HTR3A: variants seen among roughly 807,000 people sequenced by gnomAD.
HTR3A encodes the protein 5-hydroxytryptamine (serotonin) receptor 3A, ionotropic.
Under a neutral mutation model 54.8 loss-of-function variants are expected in HTR3A, and 45 were observed. The ratio of observed to expected loss-of-function variants is 0.82; its 90% CI spans 0.65 to 1.05. The LOEUF (loss-of-function observed/expected upper bound fraction) is 1.05, where lower values mean the gene tolerates loss of function less well. HTR3A is among the 50% of genes least tolerant of loss of function. The pLI is 0.00. For synonymous variants in HTR3A, 297 were observed against 256.0 expected (o/e 1.16, Z -1.53); for missense variants, 657 against 614.0 (o/e 1.07, Z -0.74).
chr11:113,986,196 G>T (rs1437265706), intron 6 of HTR3A, 21 bp downstream of exon 6: 2 of 1,613,798 alleles, frequency 1.2e-6, no homozygotes, highest in Non-Finnish European at 1.7e-6. Context: ...GTGAATGTGG[G>T]TAAAATGGTG....
chr11:113,981,357 C>T, intron 4 of HTR3A, 45 bp downstream of exon 4: 1 of 1,177,274 alleles, frequency 8.5e-7, no homozygotes. Flanking sequence ...GGCTTAGGAG[C>T]TGGAGAAGCC....
chr11:113,989,348 G>C lies in HTR3A; in HGVS notation c.1139-117G>C. ...ACTGCCCTCCAGCCTGGGTGACAGA[G>C]TGAGAAAAAAAAAGTTATTCCCAAC... On this transcript the variant is annotated intron_variant, in intron 8 of 8. Coordinates refer to ENST00000504030, the MANE Select transcript of HTR3A (RefSeq NM_000869.6). The surrounding 1 kb of genome is among the most constrained non-coding windows in gnomAD (Gnocchi z 4.4). 8.7e-7 allele frequency: 1 copy of C among 1,145,928 alleles called. No individual in the cohort carries two copies. Among genetic ancestry groups the C allele is most frequent in the South Asian group, 1.2e-5 (1 of 80,688 alleles). The allele number at this position is 1,145,928 out of a possible 1,614,324, so 71.0% of individuals were successfully genotyped here.
chr11:113,984,620 C>A (rs1176717), intron 5 of HTR3A, among the ~76,000 whole-genome samples: 37,195 of 152,064 alleles, frequency 0.24, 4,789 homozygotes, highest in Admixed American at 0.3. Flanking sequence ...CACCCTGTTG[C>A]AAGAAGGCAT....
intron 3 of HTR3A, among the ~76,000 whole-genome samples, chr11:113,980,137 C>T (rs1950404402): frequency 6.6e-6 from 1 of 152,200 alleles, no homozygotes; most frequent in Non-Finnish European, 1.5e-5. Flanking sequence ...GGAAGGGACC[C>T]AAACAAGTAC....
intron 1 of HTR3A, 115 bp downstream of exon 1, chr11:113,975,507 A>G: frequency 2.4e-6 from 2 of 825,534 alleles, no homozygotes; most frequent in Non-Finnish European, 4.0e-6. Flanking sequence ...GTGCAGCTGC[A>G]GGAAGGTCAG....
chr11:113,977,675 G>C, intron 1 of HTR3A, 96 bp from the exon 2 acceptor site: 1 of 1,528,520 alleles, frequency 6.5e-7, no homozygotes, highest in East Asian at 2.4e-5. Flanking sequence ...GGGGATGGTG[G>C]GGATACGTCT....
At position 113,975,309 on chromosome 11, in the gene HTR3A, T is replaced by C; in HGVS notation, c.-17T>C. On this transcript the variant is annotated 5_prime_UTR_variant, in exon 1 of 9. It removes an upstream start codon present in the reference 5' UTR. Transcript: ENST00000504030. The stretch of plus-strand genomic sequence containing the variant: ...TCCTGAGCACTCGGAGGCACTCCTA[T>C]GCTTGGAAAGCTCGCTATGCTGCTG... 6.2e-7 allele frequency: 1 copy of C among 1,613,376 alleles called. No individual in the cohort carries two copies. Among genetic ancestry groups the C allele is most frequent in the Non-Finnish European group, 8.5e-7 (1 of 1,179,942 alleles).
intron 5 of HTR3A, 83 bp from the exon 6 acceptor site, chr11:113,985,932 T>C: frequency 1.4e-6 from 2 of 1,475,296 alleles, no homozygotes; most frequent in Non-Finnish European, 1.9e-6. Context: ...CCTTAATTGC[T>C]GCCCACCTGT....
chr11:113,983,475 A>T (rs1480254242), intron 5 of HTR3A, among the ~76,000 whole-genome samples, 186 bp downstream of exon 5: 2 of 152,102 alleles, frequency 1.3e-5, no homozygotes, highest in African/African-American at 4.8e-5. Flanking sequence ...AGAGTTAAAC[A>T]CTTTTATCAG....
At chr11:113,988,877 C>CT (rs1950521096) in intron 8 of HTR3A, among the ~76,000 whole-genome samples, 1 of 152,118 alleles carries the variant, frequency 6.6e-6, no homozygotes, top group South Asian at 2.1e-4. Context: ...TATCAGATTG[C>CT]TGAGGAAAGC....
At chr11:113,987,715 A>G (rs1950509086) in intron 8 of HTR3A, among the ~76,000 whole-genome samples, 1 of 152,242 alleles carries the variant, frequency 6.6e-6, no homozygotes, top group Non-Finnish European at 1.5e-5. Context: ...CTGGAGATAG[A>G]GTAAGACCCT....
Position 113,986,807 on chromosome 11 carries a change from C to T in HTR3A, c.917-18C>T, listed in dbSNP as rs754962816. 4 of 1,613,510 alleles carry T rather than the reference C, an allele frequency of 2.5e-6. No individual in the cohort carries two copies. The highest frequency in any genetic ancestry group is 3.4e-6 in the Non-Finnish European group (4 of 1,179,466). On this transcript the variant is annotated intron_variant, in intron 7 of 8. Coordinates refer to ENST00000504030, the MANE Select transcript of HTR3A (RefSeq NM_000869.6). The stretch of plus-strand genomic sequence containing the variant: ...CACCTCCTGCATGTGTCTCTTGCCT[C>T]TGCCCTGGGCTGCACAGGTGTCTAC...
chr11:113,980,800 A>C (rs941016231), intron 3 of HTR3A, among the ~76,000 whole-genome samples: 1 of 152,262 alleles, frequency 6.6e-6, no homozygotes, highest in South Asian at 2.1e-4. Context: ...TCCTGGCCTG[A>C]AAATGGAGAA....
chr11:113,978,356 T>C lies in HTR3A; in HGVS notation c.219+434T>C, dbSNP rs140910760. On this transcript the variant is annotated intron_variant, in intron 2 of 8. Coordinates refer to ENST00000504030, the MANE Select transcript of HTR3A (RefSeq NM_000869.6). ...TCAATTCCTTCATCAACTACCACAG[T>C]AGGGTGGGGTGCACTACTCAGAAGA... Among the ~76,000 whole-genome samples, 16 of 152,054 alleles carry C rather than the reference T, an allele frequency of 1.1e-4. No homozygotes were observed. In the East Asian group the frequency reaches 2.9e-3, roughly 28 times the overall value.
Position 113,989,682 on chromosome 11 carries a change from G to T in HTR3A, c.1356G>T (p.Leu452=). The T allele has an allele frequency of 6.2e-7, 1 of 1,614,170 alleles. No individual in the cohort carries two copies. Among genetic ancestry groups the T allele is most frequent in the Non-Finnish European group, 8.5e-7 (1 of 1,180,048 alleles). The change falls in exon 9 of 9, where the codon CTG becomes CTT. Residue 452 remains leucine (L), a synonymous_variant. Coordinates refer to ENST00000504030, the MANE Select transcript of HTR3A (RefSeq NM_000869.6). This position sits in a 1 kb window ranked among gnomAD's most constrained non-coding sequence, Gnocchi z 4.4. The part of the protein sequence containing the change: ...WLRVGSVLDK[L]LFHIYLLAVL... Reference sequence around the variant, plus strand: ...GCGTGGGCTCCGTGCTGGACAAGCTGCTATTCCACATTTACCTGCTAGCGG... The same window carrying T: ...GCGTGGGCTCCGTGCTGGACAAGCTTCTATTCCACATTTACCTGCTAGCGG...
intron 5 of HTR3A, 76 bp from the exon 6 acceptor site, chr11:113,985,939 C>A: frequency 3.3e-6 from 5 of 1,525,942 alleles, no homozygotes; most frequent in Non-Finnish European, 4.5e-6. Context: ...TGCTGCCCAC[C>A]TGTGTCCCAT....
intron 3 of HTR3A, 97 bp downstream of exon 3, chr11:113,979,374 C>T (rs186855751): frequency 1.2e-4 from 111 of 950,072 alleles, no homozygotes; most frequent in South Asian, 1.7e-4. Flanking sequence ...GGAAGGTGAG[C>T]GGAGAGGCTG....
intron 2 of HTR3A, among the ~76,000 whole-genome samples, chr11:113,978,704 CTGT>C (rs1950385217): frequency 6.6e-6 from 1 of 152,152 alleles, no homozygotes; most frequent in African/African-American, 2.4e-5. Context: ...ACATAAATCA[CTGT>C]TGGCAGAGCA....
At position 113,990,197 on chromosome 11, in the gene HTR3A, G is replaced by A. The variant is rs1417819751; in HGVS notation, c.*434G>A. On this transcript the variant is annotated 3_prime_UTR_variant, in exon 9 of 9. Coordinates refer to ENST00000504030, the MANE Select transcript of HTR3A (RefSeq NM_000869.6). Reference sequence around the variant, plus strand: ...CACAGGCCTGATAACTCTGTACGAGGCTTCTCTAACCCCTAGTGTCTTTTT... The same window carrying A: ...CACAGGCCTGATAACTCTGTACGAGACTTCTCTAACCCCTAGTGTCTTTTT... 16 of 456,364 alleles carry A rather than the reference G, an allele frequency of 3.5e-5. No homozygotes were observed. The highest frequency in any genetic ancestry group is 7.0e-5 in the Non-Finnish European group (16 of 228,584). The allele number at this position is 456,364 out of a possible 1,614,324, so 28.3% of individuals were successfully genotyped here.
Sources: allele counts gnomAD v4.1 joint callset (sites outside exome capture counted in the v4.1 genomes callset), GRCh38; gene constraint gnomAD v4.1.1; non-coding constraint Gnocchi (gnomAD v3.1); transcripts MANE v1.5; gene names NCBI Gene and HGNC (gene_info 2026-07-23, HGNC 2026-07-21).